NFASC: variants seen among roughly 807,000 people sequenced by gnomAD.
NFASC encodes neurofascin homolog.
In NFASC, 43 loss-of-function variants were observed where a neutral mutation model predicts 147.5. The ratio of observed to expected loss-of-function variants is 0.29; its 90% CI spans 0.23 to 0.38. NFASC has a LOEUF of 0.38. NFASC is among the 10% of genes least tolerant of loss of function. The pLI is 1.00. For missense variants in NFASC, 1,320 were observed against 1,689.0 expected (o/e 0.78, Z 3.83); for synonymous variants, 622 against 665.5 (o/e 0.93, Z 1.01).
chr1:204,879,465 C>T (rs2079695272), intron 1 of NFASC, among the ~76,000 whole-genome samples: 2 of 152,202 alleles, frequency 1.3e-5, no homozygotes, highest in Non-Finnish European at 2.9e-5. Context: ...GACTTTGCTT[C>T]TGCTGCTGTC....
chr1:204,993,648 C>A (rs1486277830), intron 24 of NFASC: 2 of 441,210 alleles, frequency 4.5e-6, no homozygotes, highest in Non-Finnish European at 9.2e-6. Context: ...CCTTAGCTAA[C>A]AGAGAGTCTC....
chr1:204,954,787 G>A lies in NFASC; in HGVS notation c.413-42G>A. The A allele has an allele frequency of 6.2e-7, 1 of 1,608,516 alleles. No homozygotes were observed. Among genetic ancestry groups the A allele is most frequent in the Non-Finnish European group, 8.5e-7 (1 of 1,175,922 alleles). ...GACCCTGCTCCTTGCCCCGGGCCCA[G>A]CCATCACCCTCACTTTATCCTCTTT... On this transcript the variant is annotated intron_variant, in intron 6 of 29. Coordinates refer to ENST00000339876, the MANE Select transcript of NFASC (RefSeq NM_001005388.3). The surrounding 1 kb of genome is among the most constrained non-coding windows in gnomAD (Gnocchi z 5.7).
chr1:204,839,663 C>T (rs567392341), intron 1 of NFASC, among the ~76,000 whole-genome samples: 77 of 152,238 alleles, frequency 5.1e-4, no homozygotes, highest in Non-Finnish European at 9.4e-4. Context: ...GTCCTGAGCT[C>T]GCCTCTCCTC....
At chr1:204,835,452 C>G (rs781518297) in intron 1 of NFASC, among the ~76,000 whole-genome samples, 7 of 152,050 alleles carry the variant, frequency 4.6e-5, no homozygotes, top group Non-Finnish European at 8.8e-5. Flanking sequence ...TGGTCTTGAA[C>G]TCCTGACCTC....
chr1:204,859,376 G>C (rs2076471589), intron 1 of NFASC, among the ~76,000 whole-genome samples: 1 of 152,226 alleles, frequency 6.6e-6, no homozygotes, highest in Non-Finnish European at 1.5e-5. Context: ...CTCATCATTG[G>C]CCACAGCAGT....
chr1:204,979,465 G>C lies in NFASC; in HGVS notation c.2082G>C (p.Pro694=). The part of the protein sequence containing the change: ...SVNSAVLRLS[P]YVNYQFRVIA... ...ACTCAGCCGTCCTCCGGCTGTCCCC[G>C]TATGTCAACTACCAGTTCCGTGTCA... Residue 694 remains proline (P), a synonymous_variant, in exon 19 of 30, where the codon CCG becomes CCC. Transcript: ENST00000339876. The surrounding 1 kb of genome is among the most constrained non-coding windows in gnomAD (Gnocchi z 6.0). 6 of 1,613,956 alleles carry C rather than the reference G, an allele frequency of 3.7e-6. No homozygotes were observed. Among genetic ancestry groups the C allele is most frequent in the Non-Finnish European group, 5.1e-6 (6 of 1,179,998 alleles).
chr1:204,856,991 T>C (rs2076212287), intron 1 of NFASC, among the ~76,000 whole-genome samples: 1 of 152,254 alleles, frequency 6.6e-6, no homozygotes. Context: ...AACACATAAG[T>C]ACATGTGCTT....
At chr1:204,889,516 T>G (rs2081975378) in intron 1 of NFASC, among the ~76,000 whole-genome samples, 1 of 152,204 alleles carries the variant, frequency 6.6e-6, no homozygotes, top group African/African-American at 2.4e-5. Context: ...TGGCTCAGAA[T>G]AGCAGGTTAT....
At chr1:204,875,849 C>T (rs1572332259) in intron 1 of NFASC, among the ~76,000 whole-genome samples, 1 of 152,154 alleles carries the variant, frequency 6.6e-6, no homozygotes, top group African/African-American at 2.4e-5. Flanking sequence ...TTTGAGGGAA[C>T]ATTTGGAACT....
chr1:204,927,694 A>G (rs930564228), intron 2 of NFASC, among the ~76,000 whole-genome samples: 1 of 151,254 alleles, frequency 6.6e-6, no homozygotes, highest in African/African-American at 2.4e-5. Flanking sequence ...CAAGATTATC[A>G]CTCCCCACCT....
At chr1:205,012,122 T>C (rs1408428022) in intron 28 of NFASC, among the ~76,000 whole-genome samples, 1 of 152,208 alleles carries the variant, frequency 6.6e-6, no homozygotes, top group Non-Finnish European at 1.5e-5. Context: ...TGCTGTGCAC[T>C]AGCGATACTG....
intron 1 of NFASC, among the ~76,000 whole-genome samples, chr1:204,906,280 A>G (rs934094249): frequency 2.0e-5 from 3 of 152,172 alleles, no homozygotes; most frequent in African/African-American, 7.2e-5. Flanking sequence ...TGCCAAACAC[A>G]TAGAGTTATG....
At chr1:204,973,195 G>T in intron 11 of NFASC, 81 bp from the exon 12 acceptor site, 1 of 1,504,306 alleles carries the variant, frequency 6.6e-7, no homozygotes, top group South Asian at 1.2e-5. Context: ...GCTTGTTCCT[G>T]GGAGCCCTGG....
intron 1 of NFASC, among the ~76,000 whole-genome samples, chr1:204,896,602 G>A (rs571220684): frequency 6.6e-6 from 1 of 152,040 alleles, no homozygotes; most frequent in African/African-American, 2.4e-5. Flanking sequence ...CACAAGCCAG[G>A]GTCTCTCATT....
rs1558398016 is a variant in NFASC, at chr1:204,991,636, AC to A, written c.2782+332del. Among the ~76,000 whole-genome samples the A allele has an allele frequency of 5.3e-5, 8 of 152,246 alleles. No individual in the cohort carries two copies. The South Asian group carries it at 1.4e-3, about 28-fold the overall frequency. On this transcript the variant is annotated intron_variant, in intron 24 of 29. Transcript: ENST00000339876. ...CTGAGTAGATTACTTCCCGTTAACCACCTGAGTCCTTGCCTGGGCTTGACAG... is the reference window on the plus strand; with the variant it reads ...CTGAGTAGATTACTTCCCGTTAACCACTGAGTCCTTGCCTGGGCTTGACAG...
chr1:204,853,063 C>T (rs1232905570), intron 1 of NFASC, among the ~76,000 whole-genome samples: 1 of 152,164 alleles, frequency 6.6e-6, no homozygotes, highest in African/African-American at 2.4e-5. Context: ...TATGACCCCA[C>T]TAACAGATGG....
At chr1:204,876,996 G>GTATATATATATA (rs60582969) in intron 1 of NFASC, among the ~76,000 whole-genome samples, 35 of 74,656 alleles carry the variant, frequency 4.7e-4, no homozygotes, top group Admixed American at 1.2e-3. Context: ...GGCTAAATAT[G>GTATATATATATA]TATATATATA....
intron 1 of NFASC, among the ~76,000 whole-genome samples, chr1:204,838,195 A>G (rs1674310643): frequency 6.6e-6 from 1 of 152,254 alleles, no homozygotes; most frequent in Non-Finnish European, 1.5e-5. Flanking sequence ...CACCAATTAC[A>G]TGAGCACTTG....
rs147505048 is a variant in NFASC at position 204,881,963 on chromosome 1, G to A, written c.-199-38669G>A. On this transcript the variant is annotated intron_variant, in intron 1 of 29. Transcript: ENST00000339876. ...CCTGTTTGCAGCAGGAATCCTGTTCGGTCTGTTTAGCCAGAATCCCCCTTA... is the reference window on the plus strand; with the variant it reads ...CCTGTTTGCAGCAGGAATCCTGTTCAGTCTGTTTAGCCAGAATCCCCCTTA... 3.4e-3 allele frequency among the ~76,000 whole-genome samples: 512 copies of A among 152,030 alleles called. 4 individuals carry two copies. Among genetic ancestry groups the A allele is most frequent in the African/African-American group, 0.012 (486 of 41,408 alleles).
Sources: allele counts gnomAD v4.1 joint callset (sites outside exome capture counted in the v4.1 genomes callset), GRCh38; gene constraint gnomAD v4.1.1; non-coding constraint Gnocchi (gnomAD v3.1); transcripts MANE v1.5; gene names NCBI Gene and HGNC (gene_info 2026-07-23, HGNC 2026-07-21).